The following PCYT1A variants were observed in gnomAD, a reference collection of about 807,000 sequenced individuals.
PCYT1A encodes choline-phosphate cytidylyltransferase A.
In PCYT1A, 25 loss-of-function variants were observed where a neutral mutation model predicts 43.7. The ratio of observed to expected loss-of-function variants is 0.57; its 90% CI spans 0.42 to 0.80. The LOEUF is 0.80. PCYT1A is among the 30% of genes least tolerant of loss of function. PCYT1A has a pLI of 0.00. For missense variants in PCYT1A, 421 were observed against 474.2 expected (o/e 0.89, Z 1.04); for synonymous variants, 172 against 170.7 (o/e 1.01, Z -0.06).
At chr3:196,253,011 T>C (rs929129120) in intron 3 of PCYT1A, among the ~76,000 whole-genome samples, 4 of 152,172 alleles carry the variant, frequency 2.6e-5, no homozygotes, top group Admixed American at 2.6e-4. Context: ...AATCACTGCA[T>C]TGGCTCTATG....
intron 2 of PCYT1A, among the ~76,000 whole-genome samples, chr3:196,260,408 T>C (rs1015035039): frequency 3.3e-5 from 5 of 152,298 alleles, no homozygotes; most frequent in Non-Finnish European, 7.4e-5. Flanking sequence ...GTTAGAACCA[T>C]CATACATTGC....
At chr3:196,255,842 G>A (rs887747992) in intron 3 of PCYT1A, among the ~76,000 whole-genome samples, 9 of 152,228 alleles carry the variant, frequency 5.9e-5, no homozygotes, top group Non-Finnish European at 1.2e-4. Context: ...TTGTAAATGT[G>A]TGTCATTAGA....
Position 196,239,739 on chromosome 3 carries a change from G to C in PCYT1A, c.709-4C>G. 6.3e-7 allele frequency: 1 copy of C among 1,583,156 alleles called. No individual in the cohort carries two copies. The highest frequency in any genetic ancestry group is 1.1e-5 in the South Asian group (1 of 90,340). On this transcript the variant is annotated splice_polypyrimidine_tract_variant and splice_region_variant and intron_variant, in intron 7 of 8. Coordinates refer to ENST00000431016, the MANE Select transcript of PCYT1A (RefSeq NM_001312673.2). ...CCTGCAAGTGGTATTTCTTCTCCTA[G>C]ATAAAGAAATAACTCTTCTGAGAAA...
intron 2 of PCYT1A, among the ~76,000 whole-genome samples, chr3:196,267,643 G>A (rs982335421): frequency 6.6e-6 from 1 of 151,902 alleles, no homozygotes; most frequent in African/African-American, 2.4e-5. Context: ...TTTGAGCCCA[G>A]AAAGTTGAGG....
chr3:196,257,045 A>G (rs992780952), intron 3 of PCYT1A, among the ~76,000 whole-genome samples: 6 of 152,192 alleles, frequency 3.9e-5, no homozygotes, highest in Non-Finnish European at 8.8e-5. Flanking sequence ...AATCAGAAGA[A>G]GTGAAAAAGG....
intron 5 of PCYT1A, among the ~76,000 whole-genome samples, chr3:196,243,654 C>T (rs1254666938): frequency 2.6e-5 from 4 of 152,258 alleles, no homozygotes; most frequent in East Asian, 1.9e-4. Flanking sequence ...CTGCCTCAGC[C>T]TGCCCAGTGC....
chr3:196,264,014 C>A (rs1234955218), intron 2 of PCYT1A, among the ~76,000 whole-genome samples: 1 of 152,180 alleles, frequency 6.6e-6, no homozygotes, highest in Non-Finnish European at 1.5e-5. Flanking sequence ...ACAATGAGCT[C>A]ATCTGTCCAA....
In PCYT1A at chr3:196,275,558, C is replaced by T. The variant is rs145312220; in HGVS notation, c.-10-5017G>A. On this transcript the variant is annotated intron_variant, in intron 1 of 8. Transcript: ENST00000431016. ...GACCATCCTGGCCAACATGGTGAAA[C>T]CCCATCTCTACTAAAAGTACAAAAA... 4.3e-3 allele frequency among the ~76,000 whole-genome samples: 658 copies of T among 152,046 alleles called. 16 individuals carry two copies. In the South Asian group the frequency reaches 0.07, roughly 16 times the overall value.
intron 5 of PCYT1A, among the ~76,000 whole-genome samples, chr3:196,244,613 C>G (rs557178986): frequency 6.6e-6 from 1 of 152,288 alleles, no homozygotes; most frequent in South Asian, 2.1e-4. Flanking sequence ...TCATTGAGAA[C>G]GGGCCATGAT....
intron 1 of PCYT1A, among the ~76,000 whole-genome samples, chr3:196,284,973 A>C (rs1294900016): frequency 6.6e-6 from 1 of 152,194 alleles, no homozygotes; most frequent in Non-Finnish European, 1.5e-5. Flanking sequence ...CAATTTATTT[A>C]GCCAAGAAAA....
In PCYT1A at chr3:196,237,874, A is replaced by C. The variant is rs571939131; in HGVS notation, c.*814T>G. 1 of 152,354 alleles carries C rather than the reference A, an allele frequency of 6.6e-6. No homozygotes were observed. Among genetic ancestry groups the C allele is most frequent in the Admixed American group, 6.5e-5 (1 of 15,298 alleles). The allele number at this position is 152,354 out of a possible 1,614,324, so 9.4% of individuals were successfully genotyped here. A position where few individuals can be genotyped will look rare whatever the true frequency, so the allele number is the denominator to read the frequency against. ...CTCTCCTCATCATTGTAACTCTAAA[A>C]GTGTTCCTTCCTTCGAAGGTAGATG... On this transcript the variant is annotated 3_prime_UTR_variant, in exon 9 of 9. Coordinates refer to ENST00000431016, the MANE Select transcript of PCYT1A (RefSeq NM_001312673.2).
At chr3:196,245,386 T>C (rs905194453) in intron 5 of PCYT1A, among the ~76,000 whole-genome samples, 1 of 152,100 alleles carries the variant, frequency 6.6e-6, no homozygotes, top group African/African-American at 2.4e-5. Flanking sequence ...GTGATCCACC[T>C]GACTTGGCCT....
At chr3:196,241,480 AAT>A (rs1491543126) in intron 7 of PCYT1A, 2 of 1,284,562 alleles carry the variant, frequency 1.6e-6, no homozygotes, top group Non-Finnish European at 2.0e-6. Context: ...TGCCCAGAAA[AAT>A]ATATAGAGTT....
At chr3:196,256,918 A>G (rs1453214576) in intron 3 of PCYT1A, among the ~76,000 whole-genome samples, 1 of 152,166 alleles carries the variant, frequency 6.6e-6, no homozygotes, top group African/African-American at 2.4e-5. Context: ...AGTAACCACA[A>G]ATATACTGTA....
In PCYT1A at chr3:196,248,379, T is replaced by C; in HGVS notation, c.218-56A>G. The stretch of plus-strand genomic sequence containing the variant: ...AATACCTTTTTTTTTGTCATTTTTA[T>C]TTTTATTTTTGAGGCCGAGTCTCAC... On this transcript the variant is annotated intron_variant, in intron 3 of 8. Transcript: ENST00000431016. 2.6e-6 allele frequency: 3 copies of C among 1,133,644 alleles called. 1 individual carries two copies. The highest frequency in any genetic ancestry group is 4.0e-4 in the Middle Eastern group (2 of 5,030). The allele number at this position is 1,133,644 out of a possible 1,614,324, so 70.2% of individuals were successfully genotyped here.
At chr3:196,243,913 G>C (rs1413969027) in intron 5 of PCYT1A, among the ~76,000 whole-genome samples, 1 of 152,224 alleles carries the variant, frequency 6.6e-6, no homozygotes, top group Non-Finnish European at 1.5e-5. Context: ...GCCTGCCTTG[G>C]CCTCCCAAAG....
chr3:196,259,735 C>T (rs1725050935), intron 2 of PCYT1A, among the ~76,000 whole-genome samples: 1 of 151,008 alleles, frequency 6.6e-6, no homozygotes, highest in South Asian at 2.1e-4. Context: ...GTCCCAGTTA[C>T]TTGGGAAGCT....
rs546547958 is a variant in PCYT1A, at chr3:196,248,440, C to T, written c.218-117G>A. 5.6e-5 allele frequency: 31 copies of T among 551,392 alleles called. No homozygotes were observed. The Middle Eastern group carries it at 1.9e-3, about 35-fold the overall frequency. The allele number at this position is 551,392 out of a possible 1,614,324, so 34.2% of individuals were successfully genotyped here. A position where few individuals can be genotyped will look rare whatever the true frequency, so the allele number is the denominator to read the frequency against. On this transcript the variant is annotated intron_variant, in intron 3 of 8. Transcript: ENST00000431016. The stretch of plus-strand genomic sequence containing the variant: ...AGGCTGGAGTGCAGTGGCGTGATCT[C>T]GGCTCACTGCAACTTCCGCCTCCTG...
chr3:196,244,173 C>T (rs1257929692), intron 5 of PCYT1A, among the ~76,000 whole-genome samples: 1 of 149,830 alleles, frequency 6.7e-6, no homozygotes, highest in African/African-American at 2.5e-5. Flanking sequence ...AGGAGTGTCT[C>T]TGCCCGACCG....
Sources: gnomAD v4.1 joint callset for allele counts (sites outside exome capture counted in the v4.1 genomes callset) on GRCh38, gnomAD v4.1.1 for gene constraint, MANE v1.5 for transcripts, NCBI Gene and HGNC (gene_info 2026-07-23, HGNC 2026-07-21) for gene names.